The following STAG1 variants were observed in gnomAD, a reference collection of about 807,000 sequenced individuals.
STAG1 encodes STAG1 cohesin complex component, also known as cohesin subunit SA-1.
Under a neutral mutation model 170.9 loss-of-function variants are expected in STAG1, and 26 were observed. That is an observed-to-expected ratio of 0.15 (90% CI 0.11 to 0.21). The LOEUF is 0.21. Among genes scored for constraint, STAG1 ranks in the 10% least tolerant of loss-of-function variants. The pLI is 1.00. For synonymous variants in STAG1, 514 were observed against 497.7 expected, an observed-to-expected ratio of 1.03 and a Z score of -0.44; for missense variants, 964 against 1,509.5, an observed-to-expected ratio of 0.64 and a Z score of 5.99.
intron 7 of STAG1, among the ~76,000 whole-genome samples, chr3:136,508,837 ACAT>A (rs1211000825): frequency 6.6e-6 from 1 of 152,260 alleles, no homozygotes; most frequent in African/African-American, 2.4e-5. Context: ...GTGCTGAGCC[ACAT>A]CAGTGAAACG....
At chr3:136,352,869 T>C (rs1936488696) in intron 28 of STAG1, among the ~76,000 whole-genome samples, 2 of 152,232 alleles carry the variant, frequency 1.3e-5, no homozygotes, top group African/African-American at 4.8e-5. Context: ...AAATGCATTT[T>C]TGACTTACAA....
At chr3:136,410,537 T>C (rs2087597338) in intron 21 of STAG1, among the ~76,000 whole-genome samples, 1 of 152,182 alleles carries the variant, frequency 6.6e-6, no homozygotes, top group Non-Finnish European at 1.5e-5. Context: ...AAACTTGGAT[T>C]TGAGTGGGTG....
At chr3:136,478,530 C>A (rs905441865) in intron 9 of STAG1, among the ~76,000 whole-genome samples, 7 of 152,156 alleles carry the variant, frequency 4.6e-5, no homozygotes, top group African/African-American at 1.4e-4. Flanking sequence ...TTACCATTCA[C>A]AAATGTTAAA....
intron 29 of STAG1, 170 bp downstream of exon 29, chr3:136,348,988 T>A (rs1936338252): frequency 1.6e-6 from 1 of 616,126 alleles, no homozygotes; most frequent in Non-Finnish European, 2.8e-6. Flanking sequence ...CTTGATGCTT[T>A]TCTGTCTTAC....
At chr3:136,731,537 G>A (rs866455930) in intron 1 of STAG1, among the ~76,000 whole-genome samples, 4 of 152,186 alleles carry the variant, frequency 2.6e-5, no homozygotes, top group Non-Finnish European at 5.9e-5. Flanking sequence ...AGAACACTTA[G>A]ATCAACCCTG....
chr3:136,664,607 T>C (rs898176356), intron 1 of STAG1, among the ~76,000 whole-genome samples: 1 of 152,232 alleles, frequency 6.6e-6, no homozygotes, highest in Non-Finnish European at 1.5e-5. Context: ...ATGAAAAGTT[T>C]AGAACCACAG....
intron 9 of STAG1, 106 bp from the exon 10 acceptor site, chr3:136,477,518 T>C: frequency 9.3e-7 from 1 of 1,079,156 alleles, no homozygotes. Flanking sequence ...TTTGTATATA[T>C]TTGCATTCTG....
chr3:136,460,679 G>A (rs2089247925), intron 13 of STAG1, among the ~76,000 whole-genome samples: 2 of 150,338 alleles, frequency 1.3e-5, no homozygotes, highest in Non-Finnish European at 3.0e-5. Context: ...CACTAATAAA[G>A]TCTCCCCCCC....
intron 1 of STAG1, among the ~76,000 whole-genome samples, chr3:136,677,975 T>C (rs887989760): frequency 6.8e-6 from 1 of 147,808 alleles, no homozygotes; most frequent in Non-Finnish European, 1.5e-5. Flanking sequence ...TATATATATA[T>C]TCTCAACAGC....
chr3:136,471,622 A>C (rs1264052984), intron 12 of STAG1, among the ~76,000 whole-genome samples: 1 of 152,170 alleles, frequency 6.6e-6, no homozygotes, highest in Non-Finnish European at 1.5e-5. Flanking sequence ...GTTATGTATG[A>C]CTTTGCTAGG....
intron 13 of STAG1, among the ~76,000 whole-genome samples, chr3:136,464,374 G>GA (rs1359911363): frequency 3.3e-5 from 5 of 151,258 alleles, no homozygotes; most frequent in African/African-American, 1.2e-4. Context: ...GGTGAGTCGA[G>GA]ACTGCACCAT....
intron 9 of STAG1, among the ~76,000 whole-genome samples, chr3:136,485,464 A>G (rs1260167270): frequency 2.0e-5 from 3 of 152,148 alleles, no homozygotes; most frequent in Admixed American, 2.0e-4. Context: ...CTAAAAAGAA[A>G]AAAAAAGTAG....
chr3:136,340,662 G>A (rs1560043386), intron 31 of STAG1, 57 bp from the exon 32 acceptor site: 1 of 1,131,102 alleles, frequency 8.8e-7, no homozygotes, highest in Non-Finnish European at 1.3e-6. Flanking sequence ...TTGGAGTCCT[G>A]GCTGTTTCTC....
chr3:136,470,264 AC>A, intron 12 of STAG1, among the ~76,000 whole-genome samples: 1 of 152,382 alleles, frequency 6.6e-6, no homozygotes, highest in African/African-American at 2.4e-5. Flanking sequence ...TCCAGAATTT[AC>A]AAAGAACTCA....
At chr3:136,640,665 G>C (rs1940757936) in intron 1 of STAG1, among the ~76,000 whole-genome samples, 1 of 149,472 alleles carries the variant, frequency 6.7e-6, no homozygotes, top group African/African-American at 2.5e-5. Flanking sequence ...CACCGCACCT[G>C]GCCTGTTTTG....
At chr3:136,551,500 G>T (rs1196797565) in intron 5 of STAG1, among the ~76,000 whole-genome samples, 1 of 142,726 alleles carries the variant, frequency 7.0e-6, no homozygotes, top group Non-Finnish European at 1.5e-5. Flanking sequence ...GGCTACTCTA[G>T]AACTCCTCAA....
intron 9 of STAG1, among the ~76,000 whole-genome samples, chr3:136,478,900 T>A (rs1394025657): frequency 6.6e-6 from 1 of 152,114 alleles, no homozygotes; most frequent in South Asian, 2.1e-4. Context: ...CCTTGGGTAT[T>A]TCCCTTTTTC....
At chr3:136,704,879 A>T (rs1943182694) in intron 1 of STAG1, among the ~76,000 whole-genome samples, 2 of 151,720 alleles carry the variant, frequency 1.3e-5, no homozygotes, top group South Asian at 4.2e-4. Context: ...TAAAAGGGTT[A>T]ATTCATTAAG....
chr3:136,531,560 C>G lies in STAG1; in HGVS notation c.472-10143G>C, dbSNP rs187928765. The stretch of plus-strand genomic sequence containing the variant: ...ATTAAGAAAATGTGGCACATATACA[C>G]CATGGAATACTATTGCAGCCATAAA... On this transcript the variant is annotated intron_variant, in intron 6 of 33. Coordinates refer to ENST00000383202, the MANE Select transcript of STAG1 (RefSeq NM_005862.3). Among the ~76,000 whole-genome samples, 427 of 151,622 alleles carry G rather than the reference C, an allele frequency of 2.8e-3. 3 individuals are homozygous for G. Among genetic ancestry groups the G allele is most frequent in the Non-Finnish European group, 5.2e-3 (350 of 67,924 alleles).
Sources: gnomAD v4.1 joint callset for allele counts (sites outside exome capture counted in the v4.1 genomes callset) on GRCh38, gnomAD v4.1.1 for gene constraint, MANE v1.5 for transcripts, NCBI Gene and HGNC (gene_info 2026-07-23, HGNC 2026-07-21) for gene names.